Variants in ELF2 observed in about 807,000 individuals in gnomAD.
ELF2 encodes the protein ETS-related transcription factor Elf-2.
Under a neutral mutation model 54.8 loss-of-function variants are expected in ELF2, and 11 were observed. That is an observed-to-expected ratio of 0.20 (90% CI 0.13 to 0.33). The LOEUF (loss-of-function observed/expected upper bound fraction) is 0.33. ELF2 is among the 10% of genes least tolerant of loss of function. ELF2 has a pLI of 1.00. For synonymous variants in ELF2, 203 were observed against 245.1 expected (o/e 0.83, Z 1.61); for missense variants, 513 against 703.0 (o/e 0.73, Z 3.06).
chr4:139,104,102 T>C (rs1000603782), intron 4 of ELF2, among the ~76,000 whole-genome samples: 1 of 152,132 alleles, frequency 6.6e-6, no homozygotes, highest in African/African-American at 2.4e-5. Context: ...GAAAACAGCA[T>C]AGGACTTCTT....
chr4:139,116,112 C>T (rs1392015771), intron 4 of ELF2, among the ~76,000 whole-genome samples: 4 of 152,140 alleles, frequency 2.6e-5, no homozygotes, highest in Non-Finnish European at 5.9e-5. Flanking sequence ...AGGCTTGAGC[C>T]ACTATACCTG....
At chr4:139,117,270 A>G (rs1180240785) in intron 4 of ELF2, among the ~76,000 whole-genome samples, 1 of 152,238 alleles carries the variant, frequency 6.6e-6, no homozygotes, top group African/African-American at 2.4e-5. Context: ...TACGATTAAA[A>G]TGCATTTTTT....
chr4:139,060,119 T>C (rs1404523214), intron 9 of ELF2, among the ~76,000 whole-genome samples: 1 of 152,182 alleles, frequency 6.6e-6, no homozygotes, highest in East Asian at 1.9e-4. Flanking sequence ...CAAAGGGCTA[T>C]GATTATAGGC....
chr4:139,168,820 T>C (rs1380302511), intron 1 of ELF2, among the ~76,000 whole-genome samples: 1 of 152,060 alleles, frequency 6.6e-6, no homozygotes, highest in Non-Finnish European at 1.5e-5. Flanking sequence ...CTCCTGCCTC[T>C]GCCTCCCAAA....
At position 139,092,295 on chromosome 4, in the gene ELF2, A is replaced by T. The variant is rs572935663; in HGVS notation, c.239-18728T>A. The stretch of plus-strand genomic sequence containing the variant: ...AGAATCTTTTGAACCCGGGAGGCAG[A>T]GGTTGAAGTAAGCCGAGATCATGCC... On this transcript the variant is annotated intron_variant, in intron 4 of 9. Transcript: ENST00000686138. Among the ~76,000 whole-genome samples, 10 of 151,898 alleles carry T rather than the reference A, an allele frequency of 6.6e-5. 1 individual carries two copies. The South Asian group carries it at 1.9e-3, about 28-fold the overall frequency.
intron 4 of ELF2, among the ~76,000 whole-genome samples, chr4:139,111,408 G>A (rs1162254400): frequency 6.6e-6 from 1 of 151,608 alleles, no homozygotes; most frequent in East Asian, 1.9e-4. Flanking sequence ...TGGAGCAGTG[G>A]CGCCATCACA....
intron 1 of ELF2, among the ~76,000 whole-genome samples, chr4:139,145,975 ATGC>A (rs1480333779): frequency 6.6e-6 from 1 of 152,246 alleles, no homozygotes; most frequent in Non-Finnish European, 1.5e-5. Context: ...TAAGACAAGG[ATGC>A]TCACTTTAAT....
At chr4:139,118,389 A>C (rs1299151773) in intron 4 of ELF2, among the ~76,000 whole-genome samples, 1 of 152,230 alleles carries the variant, frequency 6.6e-6, no homozygotes, top group East Asian at 1.9e-4. Context: ...CTACCTGAGC[A>C]CATTATAGAT....
chr4:139,161,891 G>A (rs1426213904), intron 1 of ELF2, among the ~76,000 whole-genome samples: 4 of 151,756 alleles, frequency 2.6e-5, no homozygotes, highest in Admixed American at 2.6e-4. Context: ...TCAGGAGATC[G>A]AGATCATCCT....
chr4:139,170,742 T>TTAA (rs1328352409), intron 1 of ELF2, among the ~76,000 whole-genome samples: 1 of 115,828 alleles, frequency 8.6e-6, no homozygotes, highest in Non-Finnish European at 1.8e-5. Flanking sequence ...ATTATATTAA[T>TTAA]TATATTATAT....
chr4:139,106,791 T>G (rs986745538), intron 4 of ELF2, among the ~76,000 whole-genome samples: 1 of 148,502 alleles, frequency 6.7e-6, no homozygotes, highest in East Asian at 2.0e-4. Flanking sequence ...TTGCCCAGGC[T>G]GGAGTGCAAT....
rs1357020204 is a variant in ELF2, at chr4:139,137,625, C to T, written c.72+5G>A. Reference sequence around the variant, plus strand: ...AATAGAAATGTAATTCATTGAATGCCTAACCTCTTGATTTTCTACTCCATT... The same window carrying T: ...AATAGAAATGTAATTCATTGAATGCTTAACCTCTTGATTTTCTACTCCATT... On this transcript the variant is annotated splice_donor_5th_base_variant and intron_variant, in intron 3 of 9. Transcript: ENST00000686138. 3.1e-6 allele frequency: 5 copies of T among 1,613,232 alleles called. No individual in the cohort carries two copies. Among genetic ancestry groups the T allele is most frequent in the Admixed American group, 1.7e-5 (1 of 60,022 alleles).
At chr4:139,155,594 TAAA>T (rs535333177) in intron 1 of ELF2, 3 of 152,026 alleles carry the variant, frequency 2.0e-5, no homozygotes, top group African/African-American at 7.2e-5. Context: ...ATAATAATAA[TAAA>T]TAATAATAAT....
intron 4 of ELF2, among the ~76,000 whole-genome samples, chr4:139,106,013 CTG>C (rs1330294486): frequency 2.0e-5 from 3 of 152,156 alleles, no homozygotes; most frequent in African/African-American, 7.2e-5. Context: ...GTCCAACAAT[CTG>C]TATTTTAACA....
In ELF2 at chr4:139,073,712, A is replaced by G. The variant is rs142568588; in HGVS notation, c.239-145T>C. 1,818 of 405,942 alleles carry G rather than the reference A, an allele frequency of 4.5e-3. 13 individuals are homozygous for G. Among genetic ancestry groups the G allele is most frequent in the African/African-American group, 0.018 (898 of 48,760 alleles). 25.1% of individuals were successfully genotyped at this position (405,942 alleles called of 1,614,324 possible). On this transcript the variant is annotated intron_variant, in intron 4 of 9. Coordinates refer to ENST00000686138, the MANE Select transcript of ELF2 (RefSeq NM_001331036.3). ...TAACATGACTAACTCTAAGCCATTG[A>G]TATCTATTCGTCTATATAAATTACA...
intron 1 of ELF2, among the ~76,000 whole-genome samples, chr4:139,164,118 G>A (rs1421495657): frequency 6.8e-6 from 1 of 146,670 alleles, no homozygotes; most frequent in African/African-American, 2.5e-5. Flanking sequence ...GAGGGAGGAA[G>A]GGAGAGAGAG....
Position 139,084,183 on chromosome 4 carries a change from G to A in ELF2, c.239-10616C>T, listed in dbSNP as rs370395628. 3.1e-6 allele frequency: 5 copies of A among 1,613,340 alleles called. No homozygotes were observed. The African/African-American group carries it at 5.3e-5, about 17-fold the overall frequency. ...GTTCGTGGGTCCCTCATGCAGAGAC[G>A]TCGCCATGTTTATCCCGGGGCTGGA... On this transcript the variant is annotated intron_variant, in intron 4 of 9. Transcript: ENST00000686138.
chr4:139,118,411 G>A (rs1399202687), intron 4 of ELF2, among the ~76,000 whole-genome samples: 5 of 152,188 alleles, frequency 3.3e-5, no homozygotes, highest in Admixed American at 2.6e-4. Flanking sequence ...GGAGGAAACT[G>A]TCTTTGAGCA....
intron 1 of ELF2, among the ~76,000 whole-genome samples, chr4:139,173,470 G>A: frequency 6.6e-6 from 1 of 151,936 alleles, no homozygotes; most frequent in East Asian, 1.9e-4. Context: ...TAAAAAAAAT[G>A]ATTACAGGGT....
Sources: allele counts gnomAD v4.1 joint callset (sites outside exome capture counted in the v4.1 genomes callset), GRCh38; gene constraint gnomAD v4.1.1; transcripts MANE v1.5; gene names NCBI Gene and HGNC (gene_info 2026-07-23, HGNC 2026-07-21).